The following LDB2 variants were observed in gnomAD, a reference collection of about 807,000 sequenced individuals.
LDB2 encodes LIM domain-binding protein 2.
In LDB2, 12 loss-of-function variants were observed where a neutral mutation model predicts 44.3. The ratio of observed to expected loss-of-function variants is 0.27; its 90% CI spans 0.17 to 0.44. The LOEUF is 0.44. Among genes scored for constraint, LDB2 ranks in the 20% least tolerant of loss-of-function variants. The probability of loss-of-function intolerance (pLI) is 1.00; values close to 1 mark genes in which losing one functional copy is unlikely to be tolerated. For missense variants in LDB2, 344 were observed against 473.5 expected, an observed-to-expected ratio of 0.73 and a Z score of 2.54; for synonymous variants, 164 against 174.8, an observed-to-expected ratio of 0.94 and a Z score of 0.49.
In LDB2 at chr4:16,508,802, CA is replaced by C. The variant is rs1024954120; in HGVS notation, c.740-117del. The C allele has an allele frequency of 2.4e-5, 24 of 983,938 alleles. No homozygotes were observed. In the Admixed American group the frequency reaches 6.7e-4, roughly 27 times the overall value. The allele number at this position is 983,938 out of a possible 1,614,324, so 61.0% of individuals were successfully genotyped here. The stretch of plus-strand genomic sequence containing the variant: ...TAAACTGAAGAGTAGACTATTTAAA[CA>C]TTTTCCATTTCTTATAGCTTTAGAA... On this transcript the variant is annotated intron_variant, in intron 6 of 7. Transcript: ENST00000304523.
intron 1 of LDB2, among the ~76,000 whole-genome samples, chr4:16,839,201 A>G (rs1785421509): frequency 1.1e-5 from 1 of 90,350 alleles, no homozygotes; most frequent in Non-Finnish European, 2.5e-5. Context: ...TGAGTTATTT[A>G]TAAAGAAGGT....
chr4:16,717,334 T>C (rs954669831), intron 2 of LDB2, among the ~76,000 whole-genome samples: 1 of 152,092 alleles, frequency 6.6e-6, no homozygotes, highest in Non-Finnish European at 1.5e-5. Flanking sequence ...GCCTGGTTAA[T>C]TGGGTAGTAG....
At chr4:16,630,483 T>G (rs1016020381) in intron 2 of LDB2, among the ~76,000 whole-genome samples, 4 of 152,032 alleles carry the variant, frequency 2.6e-5, no homozygotes, top group Admixed American at 1.3e-4. Flanking sequence ...CTGCAAAACA[T>G]GCCAAATTGT....
Position 16,740,860 on chromosome 4 carries a change from A to G in LDB2, c.235+18298T>C, listed in dbSNP as rs118149557. Among the ~76,000 whole-genome samples the G allele has an allele frequency of 2.6e-5, 4 of 152,356 alleles. No individual in the cohort carries two copies. The East Asian group carries it at 7.7e-4, about 29-fold the overall frequency. ...AATGCAATGCGTGTATTTTACTTAT[A>G]ATAGAAAAAATCTTATCCTCCTTTT... On this transcript the variant is annotated intron_variant, in intron 2 of 7. Transcript: ENST00000304523.
At chr4:16,732,591 G>C (rs765964707) in intron 2 of LDB2, among the ~76,000 whole-genome samples, 4 of 152,134 alleles carry the variant, frequency 2.6e-5, no homozygotes, top group Non-Finnish European at 5.9e-5. Flanking sequence ...GCCTGAAATT[G>C]CCATGGCAAA....
intron 2 of LDB2, among the ~76,000 whole-genome samples, chr4:16,598,859 G>A (rs1048606242): frequency 1.2e-4 from 17 of 145,260 alleles, no homozygotes; most frequent in Non-Finnish European, 1.6e-4. Context: ...CGAGGTGCGC[G>A]CCTCCTTTTC....
chr4:16,622,454 T>C (rs1344563001), intron 2 of LDB2, among the ~76,000 whole-genome samples: 2 of 152,196 alleles, frequency 1.3e-5, no homozygotes, highest in Non-Finnish European at 2.9e-5. Context: ...AGCAAAATTT[T>C]CCTTCTTCAT....
chr4:16,825,160 G>A (rs1782821442), intron 1 of LDB2, among the ~76,000 whole-genome samples: 1 of 152,142 alleles, frequency 6.6e-6, no homozygotes, highest in African/African-American at 2.4e-5. Flanking sequence ...GACACCACAG[G>A]CAAAAGGAAG....
intron 3 of LDB2, among the ~76,000 whole-genome samples, chr4:16,591,535 A>T (rs149688623): frequency 2.7e-3 from 416 of 152,296 alleles, no homozygotes; most frequent in African/African-American, 9.3e-3. Flanking sequence ...GGAAAAATAA[A>T]TGACTTATTT....
At chr4:16,709,286 T>C (rs1429734364) in intron 2 of LDB2, among the ~76,000 whole-genome samples, 1 of 152,210 alleles carries the variant, frequency 6.6e-6, no homozygotes, top group Non-Finnish European at 1.5e-5. Context: ...TTCTGCAGGT[T>C]ATAGTATAAT....
intron 1 of LDB2, among the ~76,000 whole-genome samples, chr4:16,877,428 A>T (rs1428341543): frequency 6.6e-6 from 1 of 152,230 alleles, no homozygotes; most frequent in Non-Finnish European, 1.5e-5. Flanking sequence ...ACTGAGACCC[A>T]TTATGCAAAT....
chr4:16,788,384 T>C (rs1774956196), intron 1 of LDB2, among the ~76,000 whole-genome samples: 1 of 152,192 alleles, frequency 6.6e-6, no homozygotes, highest in South Asian at 2.1e-4. Flanking sequence ...CAAGCAACCC[T>C]TGGCAACATA....
intron 1 of LDB2, among the ~76,000 whole-genome samples, chr4:16,779,297 C>A (rs1772643002): frequency 6.6e-6 from 1 of 152,166 alleles, no homozygotes; most frequent in Admixed American, 6.5e-5. Context: ...TTGAAATTGC[C>A]CTCATTTAAG....
intron 5 of LDB2, among the ~76,000 whole-genome samples, chr4:16,518,394 ACATCCTATGG>A (rs1260018199): frequency 6.6e-6 from 1 of 152,032 alleles, no homozygotes; most frequent in Non-Finnish European, 1.5e-5. Context: ...TTTTTGTGTG[ACATCCTATGG>A]CCTTGAACCC....
chr4:16,819,477 A>AG (rs1259655494), intron 1 of LDB2, among the ~76,000 whole-genome samples: 16 of 150,918 alleles, frequency 1.1e-4, no homozygotes, highest in South Asian at 2.1e-4. Flanking sequence ...AAAAAAAAAA[A>AG]AAAGAAATTT....
intron 2 of LDB2, among the ~76,000 whole-genome samples, chr4:16,733,820 A>T (rs554074728): frequency 5.3e-4 from 81 of 152,298 alleles, no homozygotes; most frequent in African/African-American, 1.8e-3. Flanking sequence ...GGCAATAATT[A>T]ACTTCATTTT....
intron 2 of LDB2, among the ~76,000 whole-genome samples, chr4:16,743,084 G>A (rs1763666256): frequency 6.6e-6 from 1 of 152,102 alleles, no homozygotes; most frequent in Non-Finnish European, 1.5e-5. Flanking sequence ...GAGGTCAGGA[G>A]TTCGAGACCA....
chr4:16,508,898 G>C (rs1720631780), intron 6 of LDB2, among the ~76,000 whole-genome samples: 5 of 152,054 alleles, frequency 3.3e-5, no homozygotes, highest in Admixed American at 3.3e-4. Flanking sequence ...TTTGTGTGTA[G>C]ATCAAATAAT....
chr4:16,598,877 CTT>C (rs5856371), intron 2 of LDB2, among the ~76,000 whole-genome samples: 312 of 143,700 alleles, frequency 2.2e-3, no homozygotes, highest in African/African-American at 2.9e-3. Context: ...TTCTTTCTTT[CTT>C]TTTTTTTTTT....
Sources: allele counts gnomAD v4.1 joint callset (sites outside exome capture counted in the v4.1 genomes callset), GRCh38; gene constraint gnomAD v4.1.1; transcripts MANE v1.5; gene names NCBI Gene and HGNC (gene_info 2026-07-23, HGNC 2026-07-21).